The following PTPRG variants were observed in gnomAD, a reference collection of about 807,000 sequenced individuals.
PTPRG encodes receptor-type tyrosine-protein phosphatase gamma.
PTPRG carries 102 observed loss-of-function variants against 165.3 expected under a neutral mutation model. That is an observed-to-expected ratio of 0.62 (90% CI 0.53 to 0.73). The LOEUF (loss-of-function observed/expected upper bound fraction) is 0.73, where lower values mean the gene tolerates loss of function less well. Ranked by LOEUF, PTPRG falls within the 30% of genes least tolerant of loss-of-function variation. PTPRG has a pLI of 0.00. For synonymous variants in PTPRG, 675 were observed against 669.5 expected, an observed-to-expected ratio of 1.01 and a Z score of -0.13; for missense variants, 1,866 against 1,861.4, an observed-to-expected ratio of 1.00 and a Z score of -0.05.
chr3:62,235,956 C>T (rs1701024492), intron 14 of PTPRG, among the ~76,000 whole-genome samples: 1 of 152,148 alleles, frequency 6.6e-6, no homozygotes, highest in Admixed American at 6.6e-5. Context: ...ATTTGATTAT[C>T]CCCCAAAGCA....
intron 16 of PTPRG, 54 bp from the exon 17 acceptor site, chr3:62,262,744 T>C: frequency 7.3e-7 from 1 of 1,367,874 alleles, no homozygotes; most frequent in Non-Finnish European, 1.0e-6. Flanking sequence ...TAAATGTATA[T>C]GGTGTTCCTT....
chr3:62,168,257 C>A, intron 8 of PTPRG, 94 bp downstream of exon 8: 3 of 1,247,822 alleles, frequency 2.4e-6, no homozygotes, highest in Non-Finnish European at 3.3e-6. Flanking sequence ...GGAATTGGGA[C>A]TTGGTGTTAA....
chr3:61,979,768 T>A (rs1186606184), intron 2 of PTPRG, among the ~76,000 whole-genome samples: 1 of 152,190 alleles, frequency 6.6e-6, no homozygotes, highest in Non-Finnish European at 1.5e-5. Context: ...TAGCATTTAA[T>A]AGTTAATATA....
chr3:62,148,745 G>C (rs1466138312), intron 6 of PTPRG, among the ~76,000 whole-genome samples: 1 of 152,146 alleles, frequency 6.6e-6, no homozygotes, highest in Non-Finnish European at 1.5e-5. Context: ...CTGGGGGACA[G>C]AGCGAGACTC....
intron 2 of PTPRG, among the ~76,000 whole-genome samples, chr3:61,937,950 C>T (rs201639213): frequency 1.5e-4 from 20 of 129,894 alleles, no homozygotes; most frequent in African/African-American, 3.1e-4. Flanking sequence ...TTTTTTTTTT[C>T]CCCCTTCAGT....
At position 61,670,736 on chromosome 3, in the gene PTPRG, G is replaced by A. The variant is rs116096576; in HGVS notation, c.86-78142G>A. ...CGGTTGTAGGTATTAGACTGGGCGCGAGTTTTCACAACACGGGGAATTTGT... is the reference window on the plus strand; with the variant it reads ...CGGTTGTAGGTATTAGACTGGGCGCAAGTTTTCACAACACGGGGAATTTGT... On this transcript the variant is annotated intron_variant, in intron 1 of 29. Coordinates refer to ENST00000474889, the MANE Select transcript of PTPRG (RefSeq NM_002841.4). 8.1e-3 allele frequency among the ~76,000 whole-genome samples: 1,233 copies of A among 152,248 alleles called. 22 individuals are homozygous for A. The highest frequency in any genetic ancestry group is 0.027 in the African/African-American group (1,122 of 41,510).
intron 2 of PTPRG, among the ~76,000 whole-genome samples, chr3:61,865,723 C>T (rs1442276068): frequency 6.6e-6 from 1 of 152,208 alleles, no homozygotes; most frequent in African/African-American, 2.4e-5. Context: ...TCTTCTTCCT[C>T]TCTTCATAAA....
chr3:61,929,649 G>A (rs1255887929), intron 2 of PTPRG, among the ~76,000 whole-genome samples: 2 of 152,204 alleles, frequency 1.3e-5, no homozygotes, highest in East Asian at 1.9e-4. Context: ...TGAATAGAGT[G>A]CATTTGAAAA....
intron 5 of PTPRG, among the ~76,000 whole-genome samples, chr3:62,109,610 G>A (rs1243059896): frequency 6.6e-6 from 1 of 152,022 alleles, no homozygotes; most frequent in African/African-American, 2.4e-5. Context: ...AGTGGGTTGT[G>A]CCTGTAGAGG....
At chr3:62,139,571 T>A (rs889697443) in intron 6 of PTPRG, among the ~76,000 whole-genome samples, 1 of 152,194 alleles carries the variant, frequency 6.6e-6, no homozygotes, top group Non-Finnish European at 1.5e-5. Context: ...CCCTGGCTCT[T>A]CCAAGAAAGC....
chr3:62,145,275 T>C lies in PTPRG; in HGVS notation c.683-11792T>C, dbSNP rs550196104. Among the ~76,000 whole-genome samples the C allele has an allele frequency of 2.6e-5, 4 of 152,258 alleles. 1 individual carries two copies. In the South Asian group the frequency reaches 8.3e-4, roughly 32 times the overall value. On this transcript the variant is annotated intron_variant, in intron 6 of 29. Transcript: ENST00000474889. ...GTAATACTAATACCAGTCTTGCTGG[T>C]TTATCCTGAGGATTCAGTGACTTAC...
intron 2 of PTPRG, among the ~76,000 whole-genome samples, chr3:61,937,679 G>C (rs1559699851): frequency 6.6e-6 from 1 of 152,092 alleles, no homozygotes; most frequent in African/African-American, 2.4e-5. Context: ...GCTTATTTTA[G>C]AGGCAAGAAA....
rs988549705 is a variant in PTPRG at position 62,071,135 on chromosome 3, A to G, written c.520-7028A>G. On this transcript the variant is annotated intron_variant, in intron 4 of 29. Coordinates refer to ENST00000474889, the MANE Select transcript of PTPRG (RefSeq NM_002841.4). ...TTCCACTTTAATAAAAATCCCCAGC[A>G]GTATCCTGGAAATGTCTATTGAGTC... is the stretch of plus-strand genomic sequence containing the variant. Among the ~76,000 whole-genome samples, 44 of 152,188 alleles carry G rather than the reference A, an allele frequency of 2.9e-4. No homozygotes were observed. In the East Asian group the frequency reaches 8.3e-3, roughly 29 times the overall value.
chr3:61,579,311 T>A (rs1247254600), intron 1 of PTPRG, among the ~76,000 whole-genome samples: 1 of 152,150 alleles, frequency 6.6e-6, no homozygotes, highest in Non-Finnish European at 1.5e-5. Context: ...GTCTGGGAGT[T>A]TTACTCTTGT....
At chr3:61,837,322 C>A (rs1246207036) in intron 2 of PTPRG, among the ~76,000 whole-genome samples, 1 of 152,160 alleles carries the variant, frequency 6.6e-6, no homozygotes, top group Admixed American at 6.5e-5. Flanking sequence ...TGCTGGGATT[C>A]ACAGGTGTGA....
chr3:61,956,090 T>TTATATATATATATA (rs139960761), intron 2 of PTPRG, among the ~76,000 whole-genome samples: 9 of 148,978 alleles, frequency 6.0e-5, no homozygotes, highest in African/African-American at 2.2e-4. Context: ...GGGAAAAAAA[T>TTATATATATATATA]TATATATATA....
chr3:61,690,548 T>A (rs914271885), intron 1 of PTPRG, among the ~76,000 whole-genome samples: 20 of 152,200 alleles, frequency 1.3e-4, no homozygotes, highest in African/African-American at 4.8e-4. Context: ...CACAACTAAC[T>A]GTTTAAGCTT....
chr3:62,005,394 G>C (rs2041271962), intron 4 of PTPRG, among the ~76,000 whole-genome samples: 1 of 152,168 alleles, frequency 6.6e-6, no homozygotes, highest in South Asian at 2.1e-4. Flanking sequence ...TGGTCTTGCT[G>C]ACAGGTTCCC....
At chr3:61,689,028 G>A (rs572371450) in intron 1 of PTPRG, among the ~76,000 whole-genome samples, 1 of 152,342 alleles carries the variant, frequency 6.6e-6, no homozygotes, top group Admixed American at 6.5e-5. Flanking sequence ...CAGTGCTGGC[G>A]AAACAGGCCT....
Sources: allele counts gnomAD v4.1 joint callset (sites outside exome capture counted in the v4.1 genomes callset), GRCh38; gene constraint gnomAD v4.1.1; transcripts MANE v1.5; gene names NCBI Gene and HGNC (gene_info 2026-07-23, HGNC 2026-07-21).